GIPC2: variants seen among roughly 807,000 people sequenced by gnomAD.
The protein encoded by GIPC2 is GIPC PDZ domain containing family member 2, also known as PDZ domain-containing protein GIPC2.
Under a neutral mutation model 30.6 loss-of-function variants are expected in GIPC2, and 30 were observed. The ratio of observed to expected loss-of-function variants is 0.98; its 90% CI spans 0.73 to 1.33. The LOEUF is 1.33. GIPC2 is among the 40% of genes most tolerant of loss of function. GIPC2 has a pLI of 0.00. For missense variants in GIPC2, 414 were observed against 390.3 expected (o/e 1.06, Z -0.51); for synonymous variants, 167 against 150.0 (o/e 1.11, Z -0.83).
chr1:78,091,430 G>A (rs1662035783), intron 2 of GIPC2: 1 of 567,982 alleles, frequency 1.8e-6, no homozygotes, highest in African/African-American at 1.9e-5. Context: ...CCGCAGGGGC[G>A]GAGCCAGGGG....
intron 4 of GIPC2, among the ~76,000 whole-genome samples, chr1:78,120,716 C>T (rs1662665390): frequency 1.3e-5 from 2 of 152,176 alleles, no homozygotes; most frequent in East Asian, 3.8e-4. Flanking sequence ...GGGAACTGCT[C>T]TTTATAAAAC....
chr1:78,046,439 G>A (rs950164632), intron 1 of GIPC2, 105 bp downstream of exon 1: 1 of 1,047,964 alleles, frequency 9.5e-7, no homozygotes, highest in Non-Finnish European at 1.4e-6. Context: ...CCCGGAGCGC[G>A]AAATCCGATG....
At chr1:78,090,954 GA>G in intron 2 of GIPC2, among the ~76,000 whole-genome samples, 1 of 152,048 alleles carries the variant, frequency 6.6e-6, no homozygotes, top group East Asian at 1.9e-4. Flanking sequence ...TAAGGAAACG[GA>G]AAATGGAAAA....
chr1:78,084,102 T>C (rs563044239), intron 2 of GIPC2, among the ~76,000 whole-genome samples: 26 of 152,332 alleles, frequency 1.7e-4, no homozygotes, highest in Admixed American at 1.4e-3. Context: ...AGTTCTGGTG[T>C]TAGCTGTGCT....
intron 1 of GIPC2, among the ~76,000 whole-genome samples, chr1:78,074,148 A>AT (rs1557532929): frequency 6.6e-6 from 1 of 152,248 alleles, no homozygotes; most frequent in East Asian, 1.9e-4. Flanking sequence ...GCTTTCAAGC[A>AT]TAAGTATAAA....
At chr1:78,092,903 A>C (rs1312123198) in intron 2 of GIPC2, 2 of 152,186 alleles carry the variant, frequency 1.3e-5, no homozygotes, top group Non-Finnish European at 2.9e-5. Context: ...CTCTAGGATT[A>C]CTGAAGTGAC....
chr1:78,137,837 C>A lies in GIPC2; in HGVS notation c.*2094C>A, dbSNP rs1009779687. Reference sequence around the variant, plus strand: ...TTGTGAGCTTTCTGCCTTTTTGTAACGCTCAGTGCACCAAAAGCGTCTGTT... The same window carrying A: ...TTGTGAGCTTTCTGCCTTTTTGTAAAGCTCAGTGCACCAAAAGCGTCTGTT... On this transcript the variant is annotated 3_prime_UTR_variant, in exon 6 of 6. Transcript: ENST00000370759. 1.3e-5 allele frequency: 2 copies of A among 152,058 alleles called. No homozygotes were observed. Among genetic ancestry groups the A allele is most frequent in the African/African-American group, 4.8e-5 (2 of 41,408 alleles). The allele number at this position is 152,058 out of a possible 1,614,324, so 9.4% of individuals were successfully genotyped here.
At chr1:78,067,295 T>A (rs1661535847) in intron 1 of GIPC2, among the ~76,000 whole-genome samples, 1 of 152,296 alleles carries the variant, frequency 6.6e-6, no homozygotes, top group Admixed American at 6.5e-5. Flanking sequence ...TAATAAAATG[T>A]ACAATGAATT....
intron 1 of GIPC2, among the ~76,000 whole-genome samples, chr1:78,054,702 T>C (rs986462137): frequency 6.6e-6 from 1 of 152,142 alleles, no homozygotes; most frequent in Non-Finnish European, 1.5e-5. Flanking sequence ...ATATGAAAAA[T>C]TCAGGCAAGA....
At chr1:78,089,828 A>G (rs1382541408) in intron 2 of GIPC2, among the ~76,000 whole-genome samples, 1 of 152,240 alleles carries the variant, frequency 6.6e-6, no homozygotes, top group East Asian at 1.9e-4. Flanking sequence ...TGTAAAGGGC[A>G]GATGGTAAAT....
At chr1:78,087,153 A>G (rs1373396602) in intron 2 of GIPC2, among the ~76,000 whole-genome samples, 1 of 152,222 alleles carries the variant, frequency 6.6e-6, no homozygotes, top group Non-Finnish European at 1.5e-5. Context: ...TATCATTAAA[A>G]TGGCTATACT....
In GIPC2 at chr1:78,135,206, G is replaced by A. The variant is rs1662978182; in HGVS notation, c.797-386G>A. ...ACTGGTGGAGGAGGGAGGGAGAGTA[G>A]TGACTATTAGGAGGTTGGGGAAGGG... On this transcript the variant is annotated intron_variant, in intron 5 of 5. Transcript: ENST00000370759. Among the ~76,000 whole-genome samples, 3 of 152,138 alleles carry A rather than the reference G, an allele frequency of 2.0e-5. No homozygotes were observed. In the South Asian group the frequency reaches 6.2e-4, roughly 31 times the overall value.
chr1:78,075,177 C>T (rs1243258160), intron 1 of GIPC2, among the ~76,000 whole-genome samples: 1 of 152,282 alleles, frequency 6.6e-6, no homozygotes, highest in African/African-American at 2.4e-5. Flanking sequence ...TAAAAGAGAG[C>T]TGTGTGTGGT....
Position 78,099,247 on chromosome 1 carries a change from AC to A in GIPC2, c.607+4117del, listed in dbSNP as rs1662195785. ...GCCTACTGTATACCATCACCATACC[AC>A]CTGCTTGGTACATGCATGAATAAGA... On this transcript the variant is annotated intron_variant, in intron 3 of 5. Coordinates refer to ENST00000370759, the MANE Select transcript of GIPC2 (RefSeq NM_017655.6). Among the ~76,000 whole-genome samples, 3 of 152,052 alleles carry A rather than the reference AC, an allele frequency of 2.0e-5. No individual in the cohort carries two copies. In the South Asian group the frequency reaches 6.2e-4, roughly 32 times the overall value.
intron 1 of GIPC2, among the ~76,000 whole-genome samples, chr1:78,064,392 A>T (rs1661462252): frequency 6.6e-6 from 1 of 152,204 alleles, no homozygotes; most frequent in Non-Finnish European, 1.5e-5. Flanking sequence ...TGCTTCCCTC[A>T]AATGCCAGTG....
At position 78,099,585 on chromosome 1, in the gene GIPC2, C is replaced by T. The variant is rs1000323735; in HGVS notation, c.607+4453C>T. On this transcript the variant is annotated intron_variant, in intron 3 of 5. Coordinates refer to ENST00000370759, the MANE Select transcript of GIPC2 (RefSeq NM_017655.6). Reference sequence around the variant, plus strand: ...TCCCGAGTAGCTGGGACTACAGGCACGTGCCACCGTGCTCGGCTAATTTTT... The same window carrying T: ...TCCCGAGTAGCTGGGACTACAGGCATGTGCCACCGTGCTCGGCTAATTTTT... 8.6e-5 allele frequency among the ~76,000 whole-genome samples: 13 copies of T among 151,878 alleles called. No homozygotes were observed. In the South Asian group the frequency reaches 1.5e-3, roughly 17 times the overall value.
chr1:78,071,003 A>G (rs186317419), intron 1 of GIPC2, among the ~76,000 whole-genome samples: 1 of 152,316 alleles, frequency 6.6e-6, no homozygotes, highest in African/African-American at 2.4e-5. Context: ...AGGTCTAAAT[A>G]GAGCATACGG....
chr1:78,091,836 C>G (rs1013932326), intron 2 of GIPC2: 2 of 777,586 alleles, frequency 2.6e-6, no homozygotes, highest in African/African-American at 3.4e-5. Context: ...AGAAGGATGT[C>G]TCGGAAGGAG....
chr1:78,083,822 T>G (rs183689742), intron 2 of GIPC2, among the ~76,000 whole-genome samples: 7 of 152,362 alleles, frequency 4.6e-5, no homozygotes, highest in African/African-American at 1.7e-4. Context: ...CATGTCCTTT[T>G]GACATGGCTC....
Sources: allele counts gnomAD v4.1 joint callset (sites outside exome capture counted in the v4.1 genomes callset), GRCh38; gene constraint gnomAD v4.1.1; transcripts MANE v1.5; gene names NCBI Gene and HGNC (gene_info 2026-07-23, HGNC 2026-07-21).